Variants in SCARB2 observed in about 807,000 individuals in gnomAD.
The protein encoded by SCARB2 is scavenger receptor class B member 2, also known as lysosome membrane protein 2.
In SCARB2, 29 loss-of-function variants were observed where a neutral mutation model predicts 58.6. The observed-to-expected ratio is 0.49, with a 90% CI of 0.37 to 0.67. The LOEUF (loss-of-function observed/expected upper bound fraction) is 0.67, where lower values mean the gene tolerates loss of function less well. Ranked by LOEUF, SCARB2 falls within the 30% of genes least tolerant of loss-of-function variation. The probability of loss-of-function intolerance (pLI) is 0.00; values close to 1 mark genes in which losing one functional copy is unlikely to be tolerated. For missense variants in SCARB2, 488 were observed against 578.5 expected (o/e 0.84, Z 1.60); for synonymous variants, 195 against 210.1 (o/e 0.93, Z 0.62).
intron 7 of SCARB2, among the ~76,000 whole-genome samples, chr4:76,171,706 C>A (rs56136722): frequency 0.2 from 30,958 of 151,966 alleles, 3,641 homozygotes; most frequent in East Asian, 0.35. Flanking sequence ...AGATGCACAC[C>A]AGATGAGGGG....
At chr4:76,199,703 TTCC>T (rs773340112) in intron 1 of SCARB2, among the ~76,000 whole-genome samples, 1 of 152,200 alleles carries the variant, frequency 6.6e-6, no homozygotes, top group African/African-American at 2.4e-5. Context: ...CTCTCAGGGT[TTCC>T]TCGAGTGTTA....
chr4:76,196,952 CATG>C (rs1363622513), intron 1 of SCARB2, among the ~76,000 whole-genome samples: 2 of 152,114 alleles, frequency 1.3e-5, no homozygotes, highest in African/African-American at 4.8e-5. Context: ...TAAATGAGGT[CATG>C]AGGGTAGGCC....
intron 1 of SCARB2, among the ~76,000 whole-genome samples, chr4:76,220,031 T>C (rs1296154120): frequency 1.3e-5 from 2 of 152,258 alleles, no homozygotes; most frequent in Non-Finnish European, 2.9e-5. Context: ...TCAATTGCAC[T>C]GCAAGCTATC....
At chr4:76,211,042 G>T (rs1353915083) in intron 1 of SCARB2, among the ~76,000 whole-genome samples, 1 of 152,186 alleles carries the variant, frequency 6.6e-6, no homozygotes, top group Non-Finnish European at 1.5e-5. Context: ...TGGCAATAAA[G>T]ATGACTGCCA....
intron 2 of SCARB2, chr4:76,192,178 C>A (rs1331903359): frequency 2.6e-5 from 4 of 152,182 alleles, no homozygotes; most frequent in Non-Finnish European, 5.9e-5. Flanking sequence ...AGCTTTGAAA[C>A]TGGGTAATGG....
At chr4:76,219,687 G>T (rs557347962) in intron 1 of SCARB2, among the ~76,000 whole-genome samples, 1 of 152,108 alleles carries the variant, frequency 6.6e-6, no homozygotes, top group East Asian at 1.9e-4. Context: ...AGCCTGGAGT[G>T]GTGGGGAGAA....
intron 2 of SCARB2, among the ~76,000 whole-genome samples, chr4:76,187,979 G>A (rs953725199): frequency 4.6e-5 from 7 of 151,908 alleles, no homozygotes; most frequent in South Asian, 2.1e-4. Context: ...AATAATACAA[G>A]CCTAAAATAG....
intron 6 of SCARB2, chr4:76,175,367 G>T (rs1732231111): frequency 1.4e-5 from 3 of 219,918 alleles, no homozygotes; most frequent in Non-Finnish European, 2.7e-5. Flanking sequence ...GACCAGGTCA[G>T]TTGATGCTTG....
At chr4:76,233,251 T>C (rs918592480) in intron 1 of SCARB2, among the ~76,000 whole-genome samples, 19 of 151,156 alleles carry the variant, frequency 1.3e-4, no homozygotes, top group Admixed American at 3.3e-4. Flanking sequence ...CCTTCTTAAT[T>C]AAGGGTGTGG....
rs2304814 is a variant in SCARB2 at position 76,180,853 on chromosome 4, C to G, written c.423+101G>C. ...TTCTTTTTATATATGTATATTTCAA[C>G]ATAACTTAATGGCTCCTAAATGTAA... On this transcript the variant is annotated intron_variant, in intron 3 of 11. Transcript: ENST00000264896. 0.083 allele frequency: 83,298 copies of G among 1,000,064 alleles called. 4,895 individuals are homozygous for G. Among genetic ancestry groups the G allele is most frequent in the East Asian group, 0.23 (9,199 of 40,252 alleles). The allele number at this position is 1,000,064 out of a possible 1,614,324, so 61.9% of individuals were successfully genotyped here.
At position 76,195,745 on chromosome 4, in the gene SCARB2, C is replaced by G. The variant is rs1348033527; in HGVS notation, c.237G>C (p.Glu79Asp). The G allele has an allele frequency of 1.9e-6, 3 of 1,613,932 alleles. No homozygotes were observed. The highest frequency in any genetic ancestry group is 2.5e-6 in the Non-Finnish European group (3 of 1,179,794). ...VTNPEEILRG[E>D]TPRVEEVGPY... is the part of the protein sequence containing the mutation. ...GCCCCACTTCTTCCACCCGAGGGGT[C>G]TCCCCTCTGAGGATCTCCTCTGGAT... Residue 79 changes from glutamate to aspartate, a missense_variant, in exon 2 of 12, where the codon GAG becomes GAC. Coordinates refer to ENST00000264896, the MANE Select transcript of SCARB2 (RefSeq NM_005506.4).
At chr4:76,207,200 T>C (rs993820559) in intron 1 of SCARB2, among the ~76,000 whole-genome samples, 1 of 152,108 alleles carries the variant, frequency 6.6e-6, no homozygotes, top group Non-Finnish European at 1.5e-5. Flanking sequence ...TAGAGTGGAG[T>C]CTTCCAGAGG....
chr4:76,226,291 A>G (rs1159473937), intron 1 of SCARB2, among the ~76,000 whole-genome samples: 2 of 152,320 alleles, frequency 1.3e-5, no homozygotes, highest in East Asian at 3.9e-4. Flanking sequence ...ACATGAGGAC[A>G]TTGAGGGTAG....
chr4:76,202,037 C>A (rs1732837701), intron 1 of SCARB2, among the ~76,000 whole-genome samples: 1 of 152,084 alleles, frequency 6.6e-6, no homozygotes, highest in African/African-American at 2.4e-5. Context: ...TAACAAGGAA[C>A]AAACTAGACT....
intron 1 of SCARB2, among the ~76,000 whole-genome samples, chr4:76,230,675 C>G (rs182057063): frequency 4.2e-4 from 64 of 152,240 alleles, no homozygotes; most frequent in African/African-American, 1.4e-3. Flanking sequence ...TCCTCTTTCC[C>G]TCTTCTGTCC....
chr4:76,233,063 A>G (rs1285246691), intron 1 of SCARB2, among the ~76,000 whole-genome samples: 1 of 152,110 alleles, frequency 6.6e-6, no homozygotes, highest in Non-Finnish European at 1.5e-5. Context: ...TTACATTTCC[A>G]TGCTTCCTTA....
chr4:76,163,294 CATG>C lies in SCARB2; in HGVS notation c.1326_1328del (p.Ile442del). The C allele has an allele frequency of 6.2e-7, 1 of 1,614,156 alleles. No homozygotes were observed. The highest frequency in any genetic ancestry group is 8.5e-7 in the Non-Finnish European group (1 of 1,180,034). ...CCAAACCAAAGAACACACCCAGCGCCATGATGATGTAGGGTATGTTGGTGATGA... is the reference window on the plus strand; with the variant it reads ...CCAAACCAAAGAACACACCCAGCGCCATGATGTAGGGTATGTTGGTGATGA... On this transcript the variant is annotated inframe_deletion, in exon 11 of 12. Coordinates refer to ENST00000264896, the MANE Select transcript of SCARB2 (RefSeq NM_005506.4).
intron 7 of SCARB2, 27 bp downstream of exon 7, chr4:76,174,116 CT>C (rs1384390656): frequency 1.9e-6 from 3 of 1,612,478 alleles, no homozygotes; most frequent in Non-Finnish European, 8.5e-7. Flanking sequence ...CTTGACACCC[CT>C]ATCATGTCCC....
Position 76,161,642 on chromosome 4 carries a change from G to A in SCARB2, c.*71C>T, listed in dbSNP as rs1261959569. 4 of 1,513,116 alleles carry A rather than the reference G, an allele frequency of 2.6e-6. No homozygotes were observed. The highest frequency in any genetic ancestry group is 1.7e-5 in the Admixed American group (1 of 59,880). 93.7% of individuals were successfully genotyped at this position (1,513,116 alleles called of 1,614,324 possible). A position where few individuals can be genotyped will look rare whatever the true frequency, so the allele number is the denominator to read the frequency against. ...ACAGGCAACAAGCCTGCAAGGAGGT[G>A]GAGGGTTTCCCCACGTCATCGTCCA... On this transcript the variant is annotated 3_prime_UTR_variant, in exon 12 of 12. Transcript: ENST00000264896.
Sources: gnomAD v4.1 joint callset for allele counts (sites outside exome capture counted in the v4.1 genomes callset) on GRCh38, gnomAD v4.1.1 for gene constraint, MANE v1.5 for transcripts, NCBI Gene and HGNC (gene_info 2026-07-23, HGNC 2026-07-21) for gene names.